SLC2A13: variants seen among roughly 807,000 people sequenced by gnomAD.
SLC2A13 encodes the protein proton myo-inositol cotransporter.
Under a neutral mutation model 64.4 loss-of-function variants are expected in SLC2A13, and 32 were observed. The observed-to-expected ratio is 0.50, with a 90% CI of 0.37 to 0.67. The LOEUF is 0.67. SLC2A13 is among the 30% of genes least tolerant of loss of function. The pLI is 0.00. For synonymous variants in SLC2A13, 338 were observed against 327.1 expected (o/e 1.03, Z -0.36); for missense variants, 743 against 829.2 (o/e 0.90, Z 1.28).
chr12:39,892,964 A>T (rs1320526610), intron 4 of SLC2A13, among the ~76,000 whole-genome samples: 5 of 152,336 alleles, frequency 3.3e-5, no homozygotes, highest in African/African-American at 1.2e-4. Context: ...AAACCATATA[A>T]TCAGAAATAA....
intron 3 of SLC2A13, among the ~76,000 whole-genome samples, chr12:40,001,439 C>A (rs1394075733): frequency 6.6e-6 from 1 of 152,210 alleles, no homozygotes; most frequent in Non-Finnish European, 1.5e-5. Flanking sequence ...AATTGCCTTA[C>A]ACCAAAAATA....
At chr12:39,896,723 A>G (rs1944929553) in intron 4 of SLC2A13, among the ~76,000 whole-genome samples, 1 of 152,016 alleles carries the variant, frequency 6.6e-6, no homozygotes, top group Non-Finnish European at 1.5e-5. Context: ...ATTTTATAGT[A>G]TACCCTAATA....
intron 2 of SLC2A13, among the ~76,000 whole-genome samples, chr12:40,046,668 T>C (rs1444717694): frequency 1.3e-5 from 2 of 151,922 alleles, no homozygotes; most frequent in Non-Finnish European, 2.9e-5. Context: ...AACTTCCTGC[T>C]TCAGTTTAGC....
At chr12:39,814,087 T>A (rs1305385830) in intron 7 of SLC2A13, among the ~76,000 whole-genome samples, 1 of 152,216 alleles carries the variant, frequency 6.6e-6, no homozygotes, top group Non-Finnish European at 1.5e-5. Flanking sequence ...TTCTCTTCAC[T>A]TTTGCCCATA....
intron 4 of SLC2A13, among the ~76,000 whole-genome samples, chr12:39,896,465 T>TACATATATGTATGTGTGTATATATGTAC: frequency 7.1e-6 from 1 of 141,492 alleles, no homozygotes; most frequent in Non-Finnish European, 1.5e-5. Context: ...TATATATGTA[T>TACATATATGTATGTGTGTATATATGTAC]ACATATATGT....
In SLC2A13 at chr12:39,841,696, T is replaced by C. The variant is rs1310785230; in HGVS notation, c.1320-11468A>G. Among the ~76,000 whole-genome samples the C allele has an allele frequency of 3.3e-5, 5 of 152,020 alleles. No homozygotes were observed. The East Asian group carries it at 9.6e-4, about 29-fold the overall frequency. On this transcript the variant is annotated intron_variant, in intron 6 of 9. Coordinates refer to ENST00000280871, the MANE Select transcript of SLC2A13 (RefSeq NM_052885.4). ...ATATAATTTGTATATAATCAACACATACAAATATAATCTAATTAGTGTGCA... is the reference window on the plus strand; with the variant it reads ...ATATAATTTGTATATAATCAACACACACAAATATAATCTAATTAGTGTGCA...
chr12:39,975,950 A>T (rs947563777), intron 3 of SLC2A13, among the ~76,000 whole-genome samples: 23 of 152,354 alleles, frequency 1.5e-4, no homozygotes, highest in Non-Finnish European at 3.1e-4. Context: ...GCAGACTAGG[A>T]GTGCTCCATT....
At chr12:39,767,363 G>A (rs966584570) in intron 7 of SLC2A13, among the ~76,000 whole-genome samples, 1 of 150,480 alleles carries the variant, frequency 6.6e-6, no homozygotes, top group African/African-American at 2.4e-5. Context: ...TCCAAACTAT[G>A]CTGTAAATAT....
chr12:40,105,591 T>C lies in SLC2A13; in HGVS notation c.218A>G (p.Gln73Arg). The C allele has an allele frequency of 1.9e-6, 3 of 1,539,702 alleles. 1 individual carries two copies. Among genetic ancestry groups the C allele is most frequent in the Non-Finnish European group, 2.6e-6 (3 of 1,146,312 alleles). The change falls in exon 1 of 10, where the codon CAG (glutamine) becomes CGG (arginine). Residue 73 changes from glutamine to arginine, a missense_variant. Gln to Arg is a conservative substitution (Grantham distance 43, BLOSUM62 1). Around this residue, in one of 2 missense-constraint regions of SLC2A13, gnomAD observed 448 missense variants for 447.4 expected, o/e 1.00. Transcript: ENST00000280871. The surrounding 1 kb of genome is among the most constrained non-coding windows in gnomAD (Gnocchi z 4.2). ...CACGAAGGCGGGGGTCTCGTCCTGC[T>C]GGAACTGCCGCCGCGCCGCGCGCTC... is the stretch of plus-strand genomic sequence containing the variant. ...DLERAARRQF[Q>R]QDETPAFVYV...
chr12:39,896,158 G>T (rs375817342), intron 4 of SLC2A13, among the ~76,000 whole-genome samples: 4 of 147,070 alleles, frequency 2.7e-5, no homozygotes, highest in Non-Finnish European at 6.0e-5. Flanking sequence ...ATGTATACAC[G>T]TGTATACATA....
intron 3 of SLC2A13, among the ~76,000 whole-genome samples, chr12:40,017,681 C>T (rs1309894024): frequency 6.6e-6 from 1 of 152,058 alleles, no homozygotes; most frequent in Admixed American, 6.6e-5. Flanking sequence ...CTTTTGGTGC[C>T]CCATTAGATC....
chr12:39,852,542 C>A (rs1319989364), intron 6 of SLC2A13, among the ~76,000 whole-genome samples: 1 of 152,170 alleles, frequency 6.6e-6, no homozygotes, highest in East Asian at 1.9e-4. Flanking sequence ...TAGTACCAAT[C>A]ATTTTTTCTT....
At chr12:39,861,176 C>G (rs1249047182) in intron 6 of SLC2A13, among the ~76,000 whole-genome samples, 3 of 152,224 alleles carry the variant, frequency 2.0e-5, no homozygotes, top group African/African-American at 7.2e-5. Flanking sequence ...ATCCCATTCT[C>G]AAGGTAATCT....
At chr12:40,015,399 A>T (rs2136199673) in intron 3 of SLC2A13, among the ~76,000 whole-genome samples, 1 of 152,298 alleles carries the variant, frequency 6.6e-6, no homozygotes, top group Admixed American at 6.5e-5. Flanking sequence ...TGACATCAAG[A>T]TCCTGTTAAT....
chr12:40,023,653 T>C (rs1947758046), intron 3 of SLC2A13, among the ~76,000 whole-genome samples: 1 of 152,206 alleles, frequency 6.6e-6, no homozygotes, highest in African/African-American at 2.4e-5. Flanking sequence ...TAACAAAGAC[T>C]CTATGCCTTC....
chr12:39,961,575 C>T (rs1169853633), intron 3 of SLC2A13, among the ~76,000 whole-genome samples: 1 of 152,090 alleles, frequency 6.6e-6, no homozygotes, highest in Non-Finnish European at 1.5e-5. Flanking sequence ...CATGGTTCAC[C>T]ACAGCCTTAA....
chr12:40,039,515 G>A (rs1044454369), intron 2 of SLC2A13, among the ~76,000 whole-genome samples: 16 of 152,076 alleles, frequency 1.1e-4, no homozygotes, highest in African/African-American at 3.6e-4. Flanking sequence ...AATATTTTAA[G>A]TATTACGTTT....
chr12:39,887,438 A>G (rs1348013622), intron 4 of SLC2A13, among the ~76,000 whole-genome samples: 1 of 152,160 alleles, frequency 6.6e-6, no homozygotes, highest in Non-Finnish European at 1.5e-5. Context: ...AATCAATGAA[A>G]ATACACCCAG....
chr12:40,026,725 A>C (rs1276978316), intron 3 of SLC2A13, among the ~76,000 whole-genome samples: 1 of 152,192 alleles, frequency 6.6e-6, no homozygotes. Flanking sequence ...TTACTCTGAA[A>C]AGTTTTTCCA....
Sources: gnomAD v4.1 joint callset for allele counts (sites outside exome capture counted in the v4.1 genomes callset) on GRCh38, gnomAD v4.1.1 for gene constraint, gnomAD v4.1.1 regional missense constraint, Gnocchi (gnomAD v3.1) non-coding constraint, MANE v1.5 for transcripts, NCBI Gene and HGNC (gene_info 2026-07-23, HGNC 2026-07-21) for gene names.